The following MPC2 variants were observed in gnomAD, a reference collection of about 807,000 sequenced individuals.
MPC2 encodes brain protein 44.
A neutral mutation model predicts 19.2 loss-of-function variants in MPC2; 19 were observed. The ratio of observed to expected loss-of-function variants is 0.99; its 90% CI spans 0.69 to 1.45. The LOEUF (loss-of-function observed/expected upper bound fraction) is 1.45, where lower values mean the gene tolerates loss of function less well. MPC2 is among the 40% of genes most tolerant of loss of function. The pLI, the probability that MPC2 is intolerant of heterozygous loss-of-function variation, is 0.00. For missense variants in MPC2, 122 were observed against 153.0 expected, an observed-to-expected ratio of 0.80 and a Z score of 1.07; for synonymous variants, 61 against 54.3, an observed-to-expected ratio of 1.12 and a Z score of -0.54.
chr1:167,922,554 T>C (rs941281087), intron 3 of MPC2, among the ~76,000 whole-genome samples: 3 of 152,056 alleles, frequency 2.0e-5, no homozygotes, highest in African/African-American at 7.2e-5. Flanking sequence ...GTAACTTCCA[T>C]TAGTATAGGG....
At chr1:167,936,902 A>T in intron 1 of MPC2, 37 bp downstream of exon 1, 2 of 1,590,732 alleles carry the variant, frequency 1.3e-6, no homozygotes, top group South Asian at 1.1e-5. Flanking sequence ...CACCCGGCTC[A>T]GGCAGAGCCA....
intron 2 of MPC2, among the ~76,000 whole-genome samples, chr1:167,929,903 A>G (rs1182370697): frequency 6.6e-6 from 1 of 151,886 alleles, no homozygotes; most frequent in African/African-American, 2.4e-5. Flanking sequence ...CTTTCATGCC[A>G]CTCCTTTATG....
intron 2 of MPC2, among the ~76,000 whole-genome samples, chr1:167,926,746 C>T (rs747966852): frequency 1.0e-3 from 155 of 152,250 alleles, no homozygotes; most frequent in African/African-American, 3.2e-3. Flanking sequence ...TGGCCTAGGG[C>T]GACTGATAAG....
Position 167,918,281 on chromosome 1 carries a change from G to A in MPC2, c.*42C>T, listed in dbSNP as rs376142767. The A allele has an allele frequency of 6.7e-6, 10 of 1,491,156 alleles. No homozygotes were observed. In the African/African-American group the frequency reaches 1.1e-4, roughly 17 times the overall value. The allele number at this position is 1,491,156 out of a possible 1,614,324, so 92.4% of individuals were successfully genotyped here. A position where few individuals can be genotyped will look rare whatever the true frequency, so the allele number is the denominator to read the frequency against. On this transcript the variant is annotated 3_prime_UTR_variant, in exon 6 of 6. Coordinates refer to ENST00000271373, the MANE Select transcript of MPC2 (RefSeq NM_001143674.4). Reference sequence around the variant, plus strand: ...CCAAATAATAAACTAGGTCCCAATGGTTTTGTCCACATCTAGATTGTTCAG... The same window carrying A: ...CCAAATAATAAACTAGGTCCCAATGATTTTGTCCACATCTAGATTGTTCAG...
intron 1 of MPC2, chr1:167,936,547 AG>A (rs1671237341): frequency 7.3e-6 from 2 of 274,542 alleles, no homozygotes; most frequent in East Asian, 2.4e-4. Flanking sequence ...CTCAGTCCCC[AG>A]GGTGGTCGTC....
At chr1:167,918,738 C>T (rs1026792457) in intron 5 of MPC2, among the ~76,000 whole-genome samples, 8 of 151,482 alleles carry the variant, frequency 5.3e-5, no homozygotes, top group Middle Eastern at 3.2e-3. Context: ...GGACTACAGG[C>T]GCCCGCCACC....
At position 167,918,016 on chromosome 1, in the gene MPC2, G is replaced by C; in HGVS notation, c.*307C>G. 4.4e-6 allele frequency: 1 copy of C among 225,318 alleles called. No homozygotes were observed. The highest frequency in any genetic ancestry group is 5.4e-5 in the Admixed American group (1 of 18,422). The allele number at this position is 225,318 out of a possible 1,614,324, so 14.0% of individuals were successfully genotyped here. On this transcript the variant is annotated 3_prime_UTR_variant, in exon 6 of 6. Coordinates refer to ENST00000271373, the MANE Select transcript of MPC2 (RefSeq NM_001143674.4). The stretch of plus-strand genomic sequence containing the variant: ...TAATCTTCCAACTTCTTGAATTTGT[G>C]TGTTCTTTTATGTACATATGTTGGC...
intron 2 of MPC2, among the ~76,000 whole-genome samples, chr1:167,931,827 A>G (rs867740251): frequency 1.3e-5 from 2 of 152,274 alleles, no homozygotes; most frequent in African/African-American, 4.8e-5. Context: ...CCTTATAAAC[A>G]CTGATAACAT....
chr1:167,930,995 G>A (rs1286697609), intron 2 of MPC2, among the ~76,000 whole-genome samples: 2 of 152,210 alleles, frequency 1.3e-5, no homozygotes, highest in African/African-American at 4.8e-5. Context: ...GCAGTGGCAC[G>A]ATCTTGGCTC....
chr1:167,922,810 G>C (rs1321210015), intron 3 of MPC2, among the ~76,000 whole-genome samples: 1 of 152,042 alleles, frequency 6.6e-6, no homozygotes, highest in Non-Finnish European at 1.5e-5. Flanking sequence ...CATTTTAAAA[G>C]TACATTTAAG....
intron 2 of MPC2, among the ~76,000 whole-genome samples, chr1:167,935,429 T>G (rs548398942): frequency 6.6e-6 from 1 of 152,188 alleles, no homozygotes; most frequent in East Asian, 1.9e-4. Context: ...CCCAGACAGT[T>G]TGGTGGCCGC....
intron 2 of MPC2, among the ~76,000 whole-genome samples, chr1:167,929,322 G>T (rs1488043368): frequency 6.6e-6 from 1 of 151,832 alleles, no homozygotes; most frequent in East Asian, 1.9e-4. Context: ...TTGCACCATT[G>T]CACTCCAGCC....
At chr1:167,920,396 C>A in intron 4 of MPC2, 151 bp downstream of exon 4, 1 of 834,340 alleles carries the variant, frequency 1.2e-6, no homozygotes, top group South Asian at 2.0e-5. Context: ...ACTCCTCCAT[C>A]CATAACTTAA....
chr1:167,919,991 A>G lies in MPC2; in HGVS notation c.335T>C (p.Phe112Ser), dbSNP rs764237612. The change falls in exon 5 of 6, where the codon TTT (phenylalanine) becomes TCT (serine). Residue 112 changes from phenylalanine to serine, a missense_variant. Coordinates refer to ENST00000271373, the MANE Select transcript of MPC2 (RefSeq NM_001143674.4). ...CTGGTAGGCTTACCTCCAAATACGAAAAAGCTGAGAGGCTCCTGCTGCCCC... is the reference window on the plus strand; with the variant it reads ...CTGGTAGGCTTACCTCCAAATACGAGAAAGCTGAGAGGCTCCTGCTGCCCC... ...FVGAAGASQL[F>S]RIWRYNQELK... 5 of 1,611,522 alleles carry G rather than the reference A, an allele frequency of 3.1e-6. No homozygotes were observed. The African/African-American group carries it at 4.0e-5, about 13-fold the overall frequency.
intron 2 of MPC2, 76 bp downstream of exon 2, chr1:167,935,657 A>G (rs956938304): frequency 4.0e-6 from 5 of 1,246,476 alleles, no homozygotes; most frequent in Non-Finnish European, 5.7e-6. Context: ...GGCAGTTGTC[A>G]GAGGGCCTCT....
chr1:167,936,263 G>T, intron 1 of MPC2: 1 of 211,976 alleles, frequency 4.7e-6, no homozygotes, highest in East Asian at 1.4e-4. Flanking sequence ...TCGAGGCCAT[G>T]TTGGAGAAGG....
intron 2 of MPC2, among the ~76,000 whole-genome samples, chr1:167,931,584 T>C (rs1670912749): frequency 6.6e-6 from 1 of 152,002 alleles, no homozygotes; most frequent in Non-Finnish European, 1.5e-5. Flanking sequence ...TATCTTAGAC[T>C]GGCATTAAGA....
At chr1:167,928,650 G>A (rs1218925271) in intron 2 of MPC2, among the ~76,000 whole-genome samples, 1 of 152,150 alleles carries the variant, frequency 6.6e-6, no homozygotes, top group Non-Finnish European at 1.5e-5. Context: ...AATGTCACAT[G>A]TGTCATTCTA....
intron 2 of MPC2, among the ~76,000 whole-genome samples, chr1:167,925,447 A>ATATATATATATATG (rs1557854001): frequency 8.0e-5 from 7 of 87,334 alleles, no homozygotes; most frequent in Non-Finnish European, 1.5e-4. Flanking sequence ...ATACACATAT[A>ATATATATATATATG]TATATATATA....
Sources: allele counts gnomAD v4.1 joint callset (sites outside exome capture counted in the v4.1 genomes callset), GRCh38; gene constraint gnomAD v4.1.1; transcripts MANE v1.5; gene names NCBI Gene and HGNC (gene_info 2026-07-23, HGNC 2026-07-21).